Variants in NUP37 observed in about 807,000 individuals in gnomAD.
NUP37 encodes the protein nucleoporin Nup37.
A neutral mutation model predicts 45.4 loss-of-function variants in NUP37; 33 were observed. That is an observed-to-expected ratio of 0.73 (90% CI 0.55 to 0.97). NUP37 has a LOEUF of 0.97. Ranked by LOEUF, NUP37 falls within the 50% of genes least tolerant of loss-of-function variation. The pLI is 0.00. For synonymous variants in NUP37, 127 were observed against 130.7 expected (o/e 0.97, Z 0.19); for missense variants, 365 against 389.7 (o/e 0.94, Z 0.53).
intron 2 of NUP37, among the ~76,000 whole-genome samples, chr12:102,115,172 T>A (rs1221307780): frequency 2.0e-5 from 3 of 152,242 alleles, no homozygotes; most frequent in African/African-American, 4.8e-5. Flanking sequence ...AAATACATTA[T>A]CTTCTCTGAA....
intron 5 of NUP37, among the ~76,000 whole-genome samples, chr12:102,097,437 A>G (rs567548263): frequency 6.6e-6 from 1 of 150,884 alleles, no homozygotes; most frequent in African/African-American, 2.4e-5. Flanking sequence ...TTACAAAATG[A>G]TAGTGGTAGA....
At chr12:102,109,201 C>G (rs1319021940) in intron 3 of NUP37, among the ~76,000 whole-genome samples, 1 of 152,106 alleles carries the variant, frequency 6.6e-6, no homozygotes, top group East Asian at 1.9e-4. Context: ...AATGAATTCT[C>G]TAGCCACTAC....
intron 6 of NUP37, among the ~76,000 whole-genome samples, chr12:102,081,510 G>C (rs1879331878): frequency 6.6e-6 from 1 of 152,186 alleles, no homozygotes; most frequent in Non-Finnish European, 1.5e-5. Context: ...ACCAGATTGA[G>C]TTCAAATCTG....
chr12:102,110,065 T>C (rs1025626559), intron 3 of NUP37, among the ~76,000 whole-genome samples: 7 of 152,186 alleles, frequency 4.6e-5, no homozygotes, highest in Non-Finnish European at 1.0e-4. Flanking sequence ...TAAAGGCTTC[T>C]AGGAAAAAAC....
chr12:102,090,379 A>G (rs754512932), intron 5 of NUP37, among the ~76,000 whole-genome samples: 1 of 152,192 alleles, frequency 6.6e-6, no homozygotes, highest in Non-Finnish European at 1.5e-5. Flanking sequence ...AGAAGTGCCA[A>G]GAATGAGAAG....
intron 6 of NUP37, among the ~76,000 whole-genome samples, chr12:102,085,483 C>T (rs769259244): frequency 6.6e-6 from 1 of 152,062 alleles, no homozygotes; most frequent in Non-Finnish European, 1.5e-5. Flanking sequence ...CCTACTGCTA[C>T]TAGATTGTTG....
chr12:102,087,708 C>A (rs747626722), intron 5 of NUP37, among the ~76,000 whole-genome samples: 3 of 152,118 alleles, frequency 2.0e-5, no homozygotes, highest in Non-Finnish European at 4.4e-5. Context: ...TTCAGCAAGT[C>A]CCATGAGAGG....
intron 5 of NUP37, among the ~76,000 whole-genome samples, chr12:102,094,372 C>CACT (rs1418457118): frequency 6.6e-6 from 1 of 152,038 alleles, no homozygotes; most frequent in Non-Finnish European, 1.5e-5. Context: ...ATGGTTTATG[C>CACT]ACTCCCAGAC....
chr12:102,097,601 C>A (rs1427163087), intron 5 of NUP37, among the ~76,000 whole-genome samples: 1 of 152,140 alleles, frequency 6.6e-6, no homozygotes, highest in Non-Finnish European at 1.5e-5. Flanking sequence ...TGAGTGTGAT[C>A]CTAGGTCTCT....
intron 2 of NUP37, among the ~76,000 whole-genome samples, chr12:102,115,475 C>G (rs1411508089): frequency 3.3e-5 from 5 of 152,220 alleles, no homozygotes; most frequent in African/African-American, 1.2e-4. Flanking sequence ...TATGTTCATG[C>G]TCCTCTGCCC....
chr12:102,101,747 G>A (rs541886597), intron 3 of NUP37, among the ~76,000 whole-genome samples: 1 of 151,016 alleles, frequency 6.6e-6, no homozygotes, highest in South Asian at 2.1e-4. Context: ...TTTCCTTTGA[G>A]ACAGACTTGC....
At chr12:102,093,771 A>C (rs1307529164) in intron 5 of NUP37, among the ~76,000 whole-genome samples, 2 of 152,216 alleles carry the variant, frequency 1.3e-5, no homozygotes, top group African/African-American at 4.8e-5. Context: ...CAAAATCTGG[A>C]AACTGTTTAT....
Position 102,074,464 on chromosome 12 carries a change from T to A in NUP37, c.871A>T (p.Ile291Phe). 6.3e-7 allele frequency: 1 copy of A among 1,589,448 alleles called. No individual in the cohort carries two copies. The highest frequency in any genetic ancestry group is 2.3e-5 in the East Asian group (1 of 44,408). Residue 291 changes from isoleucine (I) to phenylalanine (F), a missense_variant, in exon 10 of 10, where the codon ATC (isoleucine) becomes TTC (phenylalanine). Transcript: ENST00000552283. ...QIHHLGHPQP[I>F]LMGSVAVGSG... The stretch of plus-strand genomic sequence containing the variant: ...CCAACGGCTACAGAACCCATGAGGA[T>A]GGGCTATAAAATATGTGAAGAATTA...
At chr12:102,085,735 T>C (rs764776886) in intron 6 of NUP37, 31 bp downstream of exon 6, 3 of 1,072,288 alleles carry the variant, frequency 2.8e-6, no homozygotes, top group South Asian at 2.8e-5. Flanking sequence ...TCTTTTCAAT[T>C]TGATAAGAGA....
intron 6 of NUP37, among the ~76,000 whole-genome samples, chr12:102,085,510 A>G (rs1405416760): frequency 6.6e-6 from 1 of 152,222 alleles, no homozygotes; most frequent in African/African-American, 2.4e-5. Context: ...CAGTTTTTAC[A>G]CTGAAATCCA....
At position 102,095,125 on chromosome 12, in the gene NUP37, T is replaced by C. The variant is rs566401028; in HGVS notation, c.449+3981A>G. Among the ~76,000 whole-genome samples the C allele has an allele frequency of 1.4e-4, 21 of 152,232 alleles. No individual in the cohort carries two copies. In the South Asian group the frequency reaches 2.7e-3, roughly 20 times the overall value. On this transcript the variant is annotated intron_variant, in intron 5 of 9. Transcript: ENST00000552283. ...TTACAGAATGGTACTGTTTCTAATA[T>C]ACAAGAACATCTGTTATTTGGCAAT...
At chr12:102,117,768 C>G (rs1278273514) in intron 2 of NUP37, among the ~76,000 whole-genome samples, 1 of 152,192 alleles carries the variant, frequency 6.6e-6, no homozygotes, top group Admixed American at 6.5e-5. Context: ...TGCTAAATAT[C>G]TTATTCAAGG....
intron 3 of NUP37, among the ~76,000 whole-genome samples, chr12:102,103,492 T>C (rs1475239694): frequency 1.3e-5 from 2 of 152,164 alleles, no homozygotes; most frequent in African/African-American, 2.4e-5. Context: ...TTTGGTGGAG[T>C]CTTTAGCTTT....
intron 6 of NUP37, among the ~76,000 whole-genome samples, chr12:102,084,525 T>C (rs1051619517): frequency 1.3e-5 from 2 of 151,916 alleles, no homozygotes; most frequent in African/African-American, 2.4e-5. Flanking sequence ...GTGCCTATAG[T>C]CCCAGCTACT....
Sources: allele counts gnomAD v4.1 joint callset (sites outside exome capture counted in the v4.1 genomes callset), GRCh38; gene constraint gnomAD v4.1.1; transcripts MANE v1.5; gene names NCBI Gene and HGNC (gene_info 2026-07-23, HGNC 2026-07-21).